PREPL: variants seen among roughly 807,000 people sequenced by gnomAD.
PREPL encodes prolyl endopeptidase like, also known as prolyl endopeptidase-like.
PREPL carries 77 observed loss-of-function variants against 70.6 expected under a neutral mutation model. That is an observed-to-expected ratio of 1.09 (90% CI 0.91 to 1.32). The LOEUF is 1.32. Ranked by LOEUF, PREPL falls within the 40% of genes most tolerant of loss-of-function variation. The pLI is 0.00. For missense variants in PREPL, 1,002 were observed against 778.2 expected (o/e 1.29, Z -3.42); for synonymous variants, 315 against 264.8 (o/e 1.19, Z -1.84).
intron 5 of PREPL, among the ~76,000 whole-genome samples, chr2:44,340,758 T>C (rs187143513): frequency 6.6e-6 from 1 of 152,072 alleles, no homozygotes; most frequent in Non-Finnish European, 1.5e-5. Context: ...TGAAACCCCG[T>C]CTCCACAAAA....
intron 10 of PREPL, 34 bp downstream of exon 10, chr2:44,326,678 C>A: frequency 1.3e-6 from 2 of 1,589,224 alleles, no homozygotes; most frequent in South Asian, 2.2e-5. Context: ...ACACCTCCCC[C>A]ATTCTATAAA....
At chr2:44,354,373 C>T (rs1676781919) in intron 1 of PREPL, among the ~76,000 whole-genome samples, 1 of 152,088 alleles carries the variant, frequency 6.6e-6, no homozygotes, top group Non-Finnish European at 1.5e-5. Context: ...AAATTCTTGT[C>T]TTTAAGGACC....
At chr2:44,346,493 A>G (rs1675842425) in intron 1 of PREPL, 103 bp from the exon 2 acceptor site, 2 of 1,011,600 alleles carry the variant, frequency 2.0e-6, no homozygotes, top group African/African-American at 3.2e-5. Context: ...ACGTTGTACA[A>G]AAAAGAAATA....
In PREPL at chr2:44,339,261, A is replaced by G; in HGVS notation, c.588T>C (p.Pro196=). Reference sequence around the variant, plus strand: ...TCTGGATAAGTACTGGTGGGTCCCAAGGGCTCAGGCCATCTATCAACCACA... The same window carrying G: ...TCTGGATAAGTACTGGTGGGTCCCAGGGGCTCAGGCCATCTATCAACCACA... ...SEVWLIDGLS[P]WDPPVLIQKR... The change falls in exon 6 of 14, where the codon CCT becomes CCC. Residue 196 remains proline, a synonymous_variant. Coordinates refer to ENST00000409411, the MANE Select transcript of PREPL (RefSeq NM_001171613.2). 1 of 1,614,114 alleles carries G rather than the reference A, an allele frequency of 6.2e-7. No individual in the cohort carries two copies.
At chr2:44,346,220 T>C in intron 2 of PREPL, 48 bp downstream of exon 2, 1 of 1,525,150 alleles carries the variant, frequency 6.6e-7, no homozygotes, top group Non-Finnish European at 9.0e-7. Flanking sequence ...ATTTGCATCT[T>C]GATTGGTAAT....
chr2:44,320,145 T>TA lies in PREPL; in HGVS notation c.*1210dup. The TA allele has an allele frequency of 3.4e-6, 5 of 1,459,106 alleles. No homozygotes were observed. The South Asian group carries it at 6.0e-5, about 17-fold the overall frequency. The allele number at this position is 1,459,106 out of a possible 1,614,324, so 90.4% of individuals were successfully genotyped here. A position where few individuals can be genotyped will look rare whatever the true frequency, so the allele number is the denominator to read the frequency against. On this transcript the variant is annotated 3_prime_UTR_variant, in exon 14 of 14. Coordinates refer to ENST00000409411, the MANE Select transcript of PREPL (RefSeq NM_001171613.2). ...CTCCTTACAATATATTAAAAATACT[T>TA]ACAAACAATTCTTAGAATCAAACAC...
At chr2:44,343,576 TA>T (rs1675455349) in intron 4 of PREPL, among the ~76,000 whole-genome samples, 168 bp downstream of exon 4, 2 of 152,166 alleles carry the variant, frequency 1.3e-5, no homozygotes, top group Non-Finnish European at 2.9e-5. Context: ...GATATATAAT[TA>T]AATAAGGGAA....
chr2:44,353,434 A>C (rs947590615), intron 1 of PREPL, among the ~76,000 whole-genome samples: 3 of 151,970 alleles, frequency 2.0e-5, no homozygotes, highest in Admixed American at 6.6e-5. Flanking sequence ...AAAATAAAAA[A>C]AAAATTAGCT....
chr2:44,326,588 G>T, intron 10 of PREPL, 124 bp downstream of exon 10: 1 of 996,076 alleles, frequency 1.0e-6, no homozygotes, highest in Non-Finnish European at 1.5e-6. Context: ...GCCCACCTCA[G>T]TTTCCCGAAG....
intron 1 of PREPL, among the ~76,000 whole-genome samples, chr2:44,355,548 C>CA (rs1342238564): frequency 2.0e-5 from 3 of 151,518 alleles, no homozygotes; most frequent in African/African-American, 7.3e-5. Context: ...GACACTGTCT[C>CA]AAAAAAAAGC....
chr2:44,355,941 G>T (rs1676996528), intron 1 of PREPL, among the ~76,000 whole-genome samples: 1 of 151,924 alleles, frequency 6.6e-6, no homozygotes, highest in Non-Finnish European at 1.5e-5. Flanking sequence ...AAGATTTTGG[G>T]AATTATTTTT....
intron 7 of PREPL, among the ~76,000 whole-genome samples, chr2:44,334,962 G>A (rs1293254406): frequency 6.6e-6 from 1 of 152,184 alleles, no homozygotes; most frequent in African/African-American, 2.4e-5. Flanking sequence ...TAAAGATTTT[G>A]TCTTTCGTGT....
At chr2:44,346,891 G>A (rs542600312) in intron 1 of PREPL, among the ~76,000 whole-genome samples, 17 of 152,182 alleles carry the variant, frequency 1.1e-4, no homozygotes, top group African/African-American at 4.1e-4. Flanking sequence ...CACAGCCAGA[G>A]TGATAAGAAA....
At chr2:44,361,667 CTT>C (rs1558531018), upstream of PREPL, 1 of 265,944 alleles carries the variant, frequency 3.8e-6, no homozygotes, top group African/African-American at 2.2e-5. Context: ...ATATATAAGA[CTT>C]TTCGTTCTTC....
At chr2:44,351,009 G>A (rs1184410312) in intron 1 of PREPL, among the ~76,000 whole-genome samples, 2 of 150,026 alleles carry the variant, frequency 1.3e-5, no homozygotes, top group African/African-American at 2.5e-5. Flanking sequence ...TGCAACCTCT[G>A]CCTCCTGGGT....
Position 44,326,868 on chromosome 2 carries a change from A to G in PREPL, c.1323T>C (p.Asn441=), listed in dbSNP as rs749152582. Residue 441 remains asparagine (N), a synonymous_variant, in exon 10 of 14, where the codon AAT becomes AAC. Coordinates refer to ENST00000409411, the MANE Select transcript of PREPL (RefSeq NM_001171613.2). Reference sequence around the variant, plus strand: ...TGCAAGCCTCTAAATCAGCAAGGCCATTGAGTTTTTTAGTTAGGCGGCCAT... The same window carrying G: ...TGCAAGCCTCTAAATCAGCAAGGCCGTTGAGTTTTTTAGTTAGGCGGCCAT... ...HADGRLTKKL[N]GLADLEACIK... is the part of the protein sequence containing the mutation. 2.5e-6 allele frequency: 4 copies of G among 1,614,186 alleles called. No homozygotes were observed. Among genetic ancestry groups the G allele is most frequent in the South Asian group, 1.1e-5 (1 of 91,088 alleles).
In PREPL at chr2:44,321,006, A is replaced by G. The variant is rs1451563876; in HGVS notation, c.*350T>C. ...ACTCACTGCCACAGTGTCTAAAAGC[A>G]TTTGCTAGCAAAGAGGCAGGACACT... On this transcript the variant is annotated 3_prime_UTR_variant, in exon 14 of 14. Coordinates refer to ENST00000409411, the MANE Select transcript of PREPL (RefSeq NM_001171613.2). The G allele has an allele frequency of 7.8e-6, 3 of 383,058 alleles. No individual in the cohort carries two copies. The highest frequency in any genetic ancestry group is 1.4e-5 in the Non-Finnish European group (3 of 208,566). The allele number at this position is 383,058 out of a possible 1,614,324, so 23.7% of individuals were successfully genotyped here.
At position 44,345,929 on chromosome 2, in the gene PREPL, C is replaced by T. The variant is rs1572901097; in HGVS notation, c.75+339G>A. Among the ~76,000 whole-genome samples the T allele has an allele frequency of 2.0e-5, 3 of 152,016 alleles. No homozygotes were observed. The South Asian group carries it at 6.2e-4, about 32-fold the overall frequency. On this transcript the variant is annotated intron_variant, in intron 2 of 13. Transcript: ENST00000409411. The stretch of plus-strand genomic sequence containing the variant: ...GGCTGAGGTGGGAGGGTTGCTTGAG[C>T]CCAGGAGTTCAAGATCAGCCAGGGC...
chr2:44,320,462 CGACA>C lies in PREPL; in HGVS notation c.*890_*893del, dbSNP rs1558479169. The C allele has an allele frequency of 6.2e-7, 1 of 1,614,042 alleles. No homozygotes were observed. Among genetic ancestry groups the C allele is most frequent in the East Asian group, 2.2e-5 (1 of 44,884 alleles). ...GAATAAGGTTAAGTACCAATTCTGCCGACAAAGGCAGTAAAGTTGATACAAGTGG... is the reference window on the plus strand; with the variant it reads ...GAATAAGGTTAAGTACCAATTCTGCCAAGGCAGTAAAGTTGATACAAGTGG... On this transcript the variant is annotated 3_prime_UTR_variant, in exon 14 of 14. Transcript: ENST00000409411.
Sources: gnomAD v4.1 joint callset for allele counts (sites outside exome capture counted in the v4.1 genomes callset) on GRCh38, gnomAD v4.1.1 for gene constraint, MANE v1.5 for transcripts, NCBI Gene and HGNC (gene_info 2026-07-23, HGNC 2026-07-21) for gene names.